The following ARFGEF3 variants were observed in gnomAD, a reference collection of about 807,000 sequenced individuals.
ARFGEF3 encodes the protein ARFGEF family member 3.
A neutral mutation model predicts 221.7 loss-of-function variants in ARFGEF3; 96 were observed. The observed-to-expected ratio is 0.43, with a 90% CI of 0.37 to 0.51. ARFGEF3 has a LOEUF of 0.51. ARFGEF3 is among the 20% of genes least tolerant of loss of function. The pLI, the probability that ARFGEF3 is intolerant of heterozygous loss-of-function variation, is 0.00. For synonymous variants in ARFGEF3, 1,145 were observed against 1,126.8 expected, an observed-to-expected ratio of 1.02 and a Z score of -0.32; for missense variants, 2,410 against 2,789.9, an observed-to-expected ratio of 0.86 and a Z score of 3.07.
At chr6:138,260,645 TAGAA>T in intron 10 of ARFGEF3, among the ~76,000 whole-genome samples, 1 of 151,840 alleles carries the variant, frequency 6.6e-6, no homozygotes, top group East Asian at 1.9e-4. Context: ...TCAAAAAAAG[TAGAA>T]AGGAGGAAAA....
At chr6:138,231,841 A>G (rs1226670083) in intron 5 of ARFGEF3, among the ~76,000 whole-genome samples, 2 of 152,330 alleles carry the variant, frequency 1.3e-5, no homozygotes, top group African/African-American at 4.8e-5. Flanking sequence ...AAACTATAAA[A>G]GGATCATTAA....
chr6:138,311,114 G>A (rs1217821978), intron 24 of ARFGEF3, among the ~76,000 whole-genome samples: 1 of 152,218 alleles, frequency 6.6e-6, no homozygotes, highest in Non-Finnish European at 1.5e-5. Flanking sequence ...TGGTAGAAGA[G>A]AGAGGAAATG....
chr6:138,265,178 C>T (rs905103637), intron 12 of ARFGEF3, among the ~76,000 whole-genome samples: 9 of 152,154 alleles, frequency 5.9e-5, no homozygotes, highest in African/African-American at 1.2e-4. Flanking sequence ...GCTGGGATTA[C>T]AGGCATGAGC....
intron 2 of ARFGEF3, among the ~76,000 whole-genome samples, chr6:138,171,962 T>G (rs1421162534): frequency 6.6e-6 from 1 of 152,210 alleles, no homozygotes; most frequent in Non-Finnish European, 1.5e-5. Flanking sequence ...AACCCTTTGT[T>G]GAGTATGGTT....
chr6:138,165,766 G>A (rs1386617531), intron 1 of ARFGEF3, among the ~76,000 whole-genome samples: 1 of 151,968 alleles, frequency 6.6e-6, no homozygotes, highest in Non-Finnish European at 1.5e-5. Context: ...AGGGTCATCC[G>A]ACTCTGAGAC....
Position 138,323,979 on chromosome 6 carries a change from A to G in ARFGEF3, c.4870-44A>G, listed in dbSNP as rs370364173. On this transcript the variant is annotated intron_variant, in intron 30 of 33. Coordinates refer to ENST00000251691, the MANE Select transcript of ARFGEF3 (RefSeq NM_020340.5). ...TCAGATCCAAGACTGAGCCCGGCCCATGAACCAGGATGCATTCAGTGAGCA... is the reference window on the plus strand; with the variant it reads ...TCAGATCCAAGACTGAGCCCGGCCCGTGAACCAGGATGCATTCAGTGAGCA... The G allele has an allele frequency of 2.5e-6, 4 of 1,600,566 alleles. No individual in the cohort carries two copies. The African/African-American group carries it at 4.0e-5, about 16-fold the overall frequency.
chr6:138,169,238 G>C (rs1489331008), intron 1 of ARFGEF3, among the ~76,000 whole-genome samples: 1 of 152,128 alleles, frequency 6.6e-6, no homozygotes, highest in Non-Finnish European at 1.5e-5. Context: ...ATTCTGTCCT[G>C]GGTGCTTACA....
At chr6:138,181,552 T>C (rs1777079241) in intron 2 of ARFGEF3, among the ~76,000 whole-genome samples, 1 of 152,210 alleles carries the variant, frequency 6.6e-6, no homozygotes, top group South Asian at 2.1e-4. Flanking sequence ...CAAGCAATTC[T>C]CCTGCCTTGG....
chr6:138,323,873 A>T (rs1342029859), intron 30 of ARFGEF3, 100 bp downstream of exon 30: 1 of 1,533,982 alleles, frequency 6.5e-7, no homozygotes, highest in African/African-American at 1.4e-5. Flanking sequence ...TCCTCTGAGC[A>T]GGCAGTCTCA....
intron 10 of ARFGEF3, among the ~76,000 whole-genome samples, chr6:138,257,367 A>G (rs1180061807): frequency 6.6e-6 from 1 of 152,178 alleles, no homozygotes; most frequent in Non-Finnish European, 1.5e-5. Flanking sequence ...AGGCATGCTC[A>G]GCTCCTTATC....
At chr6:138,327,915 C>T (rs1343351374) in intron 31 of ARFGEF3, 106 bp from the exon 32 acceptor site, 1 of 823,134 alleles carries the variant, frequency 1.2e-6, no homozygotes, top group Non-Finnish European at 1.9e-6. Context: ...CCATTATCCT[C>T]ATTTTATAGA....
intron 5 of ARFGEF3, among the ~76,000 whole-genome samples, chr6:138,237,216 T>G (rs1361659593): frequency 6.6e-6 from 1 of 152,214 alleles, no homozygotes; most frequent in Non-Finnish European, 1.5e-5. Context: ...AAATGTAGTC[T>G]CTTGCCCATC....
chr6:138,200,072 G>T (rs1184415335), intron 2 of ARFGEF3, among the ~76,000 whole-genome samples: 1 of 152,130 alleles, frequency 6.6e-6, no homozygotes, highest in African/African-American at 2.4e-5. Context: ...TTTGCTGAGG[G>T]TTTTAATCAT....
intron 2 of ARFGEF3, among the ~76,000 whole-genome samples, chr6:138,195,413 G>A (rs1173802812): frequency 6.6e-6 from 1 of 152,164 alleles, no homozygotes; most frequent in Non-Finnish European, 1.5e-5. Flanking sequence ...AAGGCAAAGT[G>A]TTGGGGGAAA....
intron 14 of ARFGEF3, among the ~76,000 whole-genome samples, chr6:138,282,660 A>G (rs757859544): frequency 3.3e-5 from 5 of 152,238 alleles, no homozygotes; most frequent in Non-Finnish European, 7.3e-5. Flanking sequence ...AACTGGGGAA[A>G]GTAAGATTGG....
At chr6:138,321,567 A>C (rs1265879259) in intron 29 of ARFGEF3, among the ~76,000 whole-genome samples, 1 of 152,220 alleles carries the variant, frequency 6.6e-6, no homozygotes, top group Non-Finnish European at 1.5e-5. Context: ...TAGCTTATCC[A>C]AAAGACAGGT....
chr6:138,217,446 G>A (rs922454854), intron 4 of ARFGEF3: 1 of 152,340 alleles, frequency 6.6e-6, no homozygotes, highest in African/African-American at 2.4e-5. Context: ...TGTGTTTGGA[G>A]GCCAATGATA....
At chr6:138,278,238 A>G (rs965644991) in intron 12 of ARFGEF3, among the ~76,000 whole-genome samples, 2 of 152,250 alleles carry the variant, frequency 1.3e-5, no homozygotes, top group African/African-American at 4.8e-5. Flanking sequence ...ATCAGGATCC[A>G]GGCCCAGGCA....
intron 4 of ARFGEF3, among the ~76,000 whole-genome samples, chr6:138,228,242 T>C (rs994240319): frequency 6.8e-6 from 1 of 146,062 alleles, no homozygotes; most frequent in African/African-American, 2.5e-5. Context: ...AACAGTGTGA[T>C]CTCGGTTCAC....
Sources: allele counts gnomAD v4.1 joint callset (sites outside exome capture counted in the v4.1 genomes callset), GRCh38; gene constraint gnomAD v4.1.1; transcripts MANE v1.5; gene names NCBI Gene and HGNC (gene_info 2026-07-23, HGNC 2026-07-21).